BCL2L13: variants seen among roughly 807,000 people sequenced by gnomAD.
The protein encoded by BCL2L13 is BCL2 like 13, also known as bcl-2-like protein 13.
Under a neutral mutation model 25.8 loss-of-function variants are expected in BCL2L13, and 13 were observed. The observed-to-expected ratio is 0.50, with a 90% CI of 0.33 to 0.80. The LOEUF (loss-of-function observed/expected upper bound fraction) is 0.80. Ranked by LOEUF, BCL2L13 falls within the 30% of genes least tolerant of loss-of-function variation. BCL2L13 has a pLI of 0.02. For missense variants in BCL2L13, 504 were observed against 574.9 expected (o/e 0.88, Z 1.26); for synonymous variants, 244 against 230.3 (o/e 1.06, Z -0.54).
intron 2 of BCL2L13, among the ~76,000 whole-genome samples, chr22:17,656,537 G>A: frequency 6.6e-6 from 1 of 150,958 alleles, no homozygotes; most frequent in East Asian, 2.0e-4. Context: ...TAGTAGAGAT[G>A]AGGTTTTGCC....
At chr22:17,705,310 T>C (rs777721064) in intron 6 of BCL2L13, among the ~76,000 whole-genome samples, 6 of 151,860 alleles carry the variant, frequency 4.0e-5, no homozygotes, top group Middle Eastern at 3.4e-3. Flanking sequence ...ATTTTTTTTT[T>C]TTTTTCAGAT....
At chr22:17,647,506 A>C (rs1030595897) in intron 1 of BCL2L13, among the ~76,000 whole-genome samples, 9 of 152,174 alleles carry the variant, frequency 5.9e-5, no homozygotes, top group African/African-American at 2.2e-4. Flanking sequence ...TGATACTACA[A>C]AAACCACCTT....
Position 17,693,372 on chromosome 22 carries a change from G to A in BCL2L13, c.387-2769G>A, listed in dbSNP as rs989862778. On this transcript the variant is annotated intron_variant, in intron 4 of 6. Coordinates refer to ENST00000317582, the MANE Select transcript of BCL2L13 (RefSeq NM_015367.4). ...TTATTTATTTATTTATTTAGTGTTT[G>A]TTTTTTTTTTTTTTTTTTTTTTTTG... Among the ~76,000 whole-genome samples the A allele has an allele frequency of 8.2e-3, 575 of 70,492 alleles. 6 individuals are homozygous for A. The highest frequency in any genetic ancestry group is 0.014 in the African/African-American group (274 of 19,234). 46.2% of individuals were successfully genotyped at this position (70,492 alleles called of 152,430 possible). A position where few individuals can be genotyped will look rare whatever the true frequency, so the allele number is the denominator to read the frequency against.
chr22:17,633,912 C>T (rs917508320), upstream of BCL2L13, among the ~76,000 whole-genome samples: 8 of 152,002 alleles, frequency 5.3e-5, no homozygotes, highest in South Asian at 4.1e-4. Flanking sequence ...GTAGATGAGA[C>T]CACTGGATCT....
chr22:17,670,411 G>C (rs1483380315), intron 2 of BCL2L13, among the ~76,000 whole-genome samples: 2 of 123,260 alleles, frequency 1.6e-5, no homozygotes, highest in Non-Finnish European at 3.2e-5. Context: ...TTTCGCTCTT[G>C]TTGCCCAGGT....
At chr22:17,662,663 AAAT>A (rs1305674844) in intron 2 of BCL2L13, among the ~76,000 whole-genome samples, 7 of 151,884 alleles carry the variant, frequency 4.6e-5, no homozygotes, top group Non-Finnish European at 8.8e-5. Context: ...CAAAAAATAA[AAAT>A]AAATTAGCTG....
At chr22:17,675,588 C>T (rs990390935) in intron 2 of BCL2L13, among the ~76,000 whole-genome samples, 1 of 152,124 alleles carries the variant, frequency 6.6e-6, no homozygotes, top group Non-Finnish European at 1.5e-5. Context: ...CTCTTAAAAG[C>T]ACGTTCATTC....
upstream of BCL2L13, among the ~76,000 whole-genome samples, chr22:17,637,568 G>GA (rs969836759): frequency 1.3e-4 from 20 of 151,852 alleles, no homozygotes; most frequent in Non-Finnish European, 1.5e-5. Flanking sequence ...TACAGATGGG[G>GA]AGTTTCACCA....
intron 2 of BCL2L13, among the ~76,000 whole-genome samples, chr22:17,681,039 C>T (rs374597426): frequency 1.1e-4 from 16 of 152,010 alleles, no homozygotes; most frequent in East Asian, 7.7e-4. Context: ...CTCCATGCCC[C>T]GCGATTACTC....
chr22:17,671,862 C>T (rs576213549), intron 2 of BCL2L13, among the ~76,000 whole-genome samples: 72 of 152,216 alleles, frequency 4.7e-4, no homozygotes, highest in African/African-American at 1.4e-3. Flanking sequence ...TAAAGGAGCG[C>T]GCCATCACGC....
At chr22:17,633,432 C>G (rs1270312418) in intron 1 of BCL2L13, among the ~76,000 whole-genome samples, 2 of 152,102 alleles carry the variant, frequency 1.3e-5, no homozygotes, top group Non-Finnish European at 2.9e-5. Context: ...CATTCTTAGG[C>G]CTTGTGGAGA....
At chr22:17,697,535 G>T (rs113726876) in intron 5 of BCL2L13, among the ~76,000 whole-genome samples, 6 of 152,164 alleles carry the variant, frequency 3.9e-5, no homozygotes, top group African/African-American at 1.4e-4. Context: ...TTTCTCATTT[G>T]TGAAATGGGA....
chr22:17,656,736 A>G (rs1257499111), intron 2 of BCL2L13, among the ~76,000 whole-genome samples: 1 of 152,054 alleles, frequency 6.6e-6, no homozygotes, highest in Non-Finnish European at 1.5e-5. Context: ...ATATTAGTCT[A>G]TTGTGTTATA....
intron 2 of BCL2L13, among the ~76,000 whole-genome samples, chr22:17,674,589 G>A (rs1377474544): frequency 1.5e-5 from 2 of 131,292 alleles, no homozygotes; most frequent in East Asian, 2.3e-4. Flanking sequence ...CTGGGCAACC[G>A]TGTGAGACTC....
At chr22:17,712,089 C>G (rs2060780052) in intron 6 of BCL2L13, among the ~76,000 whole-genome samples, 1 of 151,558 alleles carries the variant, frequency 6.6e-6, no homozygotes, top group Admixed American at 6.6e-5. Flanking sequence ...CTGTTTTAAG[C>G]CACTTGTAGT....
intron 6 of BCL2L13, among the ~76,000 whole-genome samples, chr22:17,720,935 G>A (rs1569015053): frequency 6.6e-6 from 1 of 151,984 alleles, no homozygotes; most frequent in South Asian, 2.1e-4. Context: ...AGGAGGCCGA[G>A]GCGGGTGGAT....
At chr22:17,688,297 A>C (rs1446686521) in intron 3 of BCL2L13, among the ~76,000 whole-genome samples, 3 of 152,158 alleles carry the variant, frequency 2.0e-5, no homozygotes, top group African/African-American at 7.2e-5. Context: ...ATCTTCATAT[A>C]ATAGTTTGAA....
chr22:17,649,527 A>G (rs929704049), intron 1 of BCL2L13, among the ~76,000 whole-genome samples: 2 of 151,538 alleles, frequency 1.3e-5, no homozygotes, highest in Non-Finnish European at 2.9e-5. Flanking sequence ...TTTTGAGACG[A>G]AGTCTTGCTC....
At chr22:17,697,220 C>G (rs960293466) in intron 5 of BCL2L13, among the ~76,000 whole-genome samples, 32 of 152,050 alleles carry the variant, frequency 2.1e-4, no homozygotes, top group African/African-American at 7.3e-4. Flanking sequence ...GGGCGGATCA[C>G]CTGAGGTTGA....
Sources: gnomAD v4.1 joint callset for allele counts (sites outside exome capture counted in the v4.1 genomes callset) on GRCh38, gnomAD v4.1.1 for gene constraint, MANE v1.5 for transcripts, NCBI Gene and HGNC (gene_info 2026-07-23, HGNC 2026-07-21) for gene names.